Variants in SUGCT observed in about 807,000 individuals in gnomAD.
SUGCT encodes the protein succinyl-CoA:glutarate CoA-transferase.
In SUGCT, 41 loss-of-function variants were observed where a neutral mutation model predicts 55.0. The observed-to-expected ratio is 0.74, with a 90% CI of 0.58 to 0.97. The LOEUF (loss-of-function observed/expected upper bound fraction) is 0.97. SUGCT is among the 50% of genes least tolerant of loss of function. The probability of loss-of-function intolerance (pLI) is 0.00; values close to 1 mark genes in which losing one functional copy is unlikely to be tolerated. For synonymous variants in SUGCT, 187 were observed against 200.4 expected (o/e 0.93, Z 0.56); for missense variants, 568 against 547.8 (o/e 1.04, Z -0.37).
chr7:40,565,945 G>A (rs1305588082), intron 12 of SUGCT, among the ~76,000 whole-genome samples: 5 of 148,872 alleles, frequency 3.4e-5, no homozygotes, highest in East Asian at 4.0e-4. Flanking sequence ...AATTTTCTTC[G>A]TAGTGATCAA....
chr7:40,871,590 T>C, the SUGCT span, among the ~76,000 whole-genome samples: 81,812 of 151,934 alleles, frequency 0.54, 22,857 homozygotes, highest in East Asian at 0.86. Flanking sequence ...TGTTATACAG[T>C]AATACATAAT....
chr7:40,906,663 G>A, the SUGCT span, among the ~76,000 whole-genome samples: 56 of 152,294 alleles, frequency 3.7e-4, 1 homozygote, highest in East Asian at 8.1e-3. Context: ...GAGGATGTGC[G>A]TAGGTTATAT....
chr7:40,508,230 G>A (rs1792716565), intron 12 of SUGCT, among the ~76,000 whole-genome samples: 1 of 152,184 alleles, frequency 6.6e-6, no homozygotes, highest in South Asian at 2.1e-4. Context: ...TGGTCCTTCT[G>A]CAGTGGATCG....
At chr7:40,284,747 T>G (rs1478295897) in intron 8 of SUGCT, among the ~76,000 whole-genome samples, 1 of 152,052 alleles carries the variant, frequency 6.6e-6, no homozygotes, top group Non-Finnish European at 1.5e-5. Context: ...AAATCATCAA[T>G]TTAAAACATT....
At chr7:40,831,171 G>T (rs1792644546) in intron 13 of SUGCT, among the ~76,000 whole-genome samples, 1 of 152,164 alleles carries the variant, frequency 6.6e-6, no homozygotes, top group African/African-American at 2.4e-5. Context: ...CCTAAAAGTT[G>T]CATTTTAGAT....
At chr7:40,937,337 T>G in the SUGCT span, among the ~76,000 whole-genome samples, 2 of 152,056 alleles carry the variant, frequency 1.3e-5, no homozygotes, top group African/African-American at 2.4e-5. Context: ...CCCAGCAAAT[T>G]TTTTTGTATT....
chr7:40,542,042 G>A (rs1468995171), intron 12 of SUGCT, among the ~76,000 whole-genome samples: 1 of 152,148 alleles, frequency 6.6e-6, no homozygotes, highest in Admixed American at 6.6e-5. Flanking sequence ...CAAGTGCTTG[G>A]CAATACAGTG....
At chr7:40,902,957 G>C in the SUGCT span, among the ~76,000 whole-genome samples, 1 of 151,936 alleles carries the variant, frequency 6.6e-6, no homozygotes, top group Non-Finnish European at 1.5e-5. Context: ...TCCAAGCTTT[G>C]AAAGATAAAT....
At chr7:40,643,886 C>T (rs1025086882) in intron 12 of SUGCT, among the ~76,000 whole-genome samples, 5 of 152,162 alleles carry the variant, frequency 3.3e-5, no homozygotes, top group African/African-American at 9.7e-5. Context: ...TTCTATGGCT[C>T]AGCCCCCTGG....
intron 12 of SUGCT, among the ~76,000 whole-genome samples, chr7:40,664,239 A>C (rs1801487608): frequency 6.6e-6 from 1 of 152,244 alleles, no homozygotes; most frequent in Admixed American, 6.5e-5. Flanking sequence ...CCAATGTAAC[A>C]CTGCAAAGCT....
intron 1 of SUGCT, among the ~76,000 whole-genome samples, chr7:40,140,451 A>G (rs1480233645): frequency 6.6e-6 from 1 of 152,064 alleles, no homozygotes; most frequent in Non-Finnish European, 1.5e-5. Context: ...CCCAGGCTGG[A>G]GTGCAGTTGT....
intron 6 of SUGCT, among the ~76,000 whole-genome samples, chr7:40,209,411 C>G (rs542394242): frequency 1.3e-5 from 2 of 152,248 alleles, no homozygotes; most frequent in South Asian, 4.2e-4. Context: ...GGCAGGAGAA[C>G]TGCTTGAACC....
At chr7:40,285,848 T>C (rs191991554) in intron 8 of SUGCT, among the ~76,000 whole-genome samples, 5 of 152,326 alleles carry the variant, frequency 3.3e-5, no homozygotes, top group Non-Finnish European at 5.9e-5. Flanking sequence ...AGCTTAGCAA[T>C]CTAACATTAT....
At chr7:40,513,061 A>G (rs1793023612) in intron 12 of SUGCT, among the ~76,000 whole-genome samples, 1 of 152,176 alleles carries the variant, frequency 6.6e-6, no homozygotes, top group Non-Finnish European at 1.5e-5. Context: ...GTATACATCT[A>G]CAGTTGACAA....
At chr7:40,659,773 G>A (rs1302231882) in intron 12 of SUGCT, among the ~76,000 whole-genome samples, 1 of 152,088 alleles carries the variant, frequency 6.6e-6, no homozygotes, top group East Asian at 1.9e-4. Flanking sequence ...GAGAGCCCTC[G>A]AATTTACTTG....
the SUGCT span, among the ~76,000 whole-genome samples, chr7:41,036,931 T>A: frequency 6.6e-6 from 1 of 152,360 alleles, no homozygotes; most frequent in East Asian, 1.9e-4. Flanking sequence ...AGGCACAAAC[T>A]TTGAGTCTAA....
At chr7:40,452,431 A>G (rs887768273) in intron 10 of SUGCT, among the ~76,000 whole-genome samples, 1 of 152,180 alleles carries the variant, frequency 6.6e-6, no homozygotes, top group Admixed American at 6.5e-5. Flanking sequence ...AATGTCCTTT[A>G]GCCCCATTCC....
chr7:40,271,167 C>A (rs564271641), intron 7 of SUGCT, among the ~76,000 whole-genome samples: 55 of 152,250 alleles, frequency 3.6e-4, no homozygotes, highest in Middle Eastern at 6.8e-3. Flanking sequence ...TTCTTTGCAA[C>A]CTAAATTCAT....
At chr7:40,246,487 T>G (rs1238916286) in intron 7 of SUGCT, among the ~76,000 whole-genome samples, 3 of 152,052 alleles carry the variant, frequency 2.0e-5, no homozygotes, top group African/African-American at 7.2e-5. Flanking sequence ...TGGGCTCAAG[T>G]TAATCTGCTT....
Sources: allele counts gnomAD v4.1 joint callset (sites outside exome capture counted in the v4.1 genomes callset), GRCh38; gene constraint gnomAD v4.1.1; transcripts MANE v1.5; gene names NCBI Gene and HGNC (gene_info 2026-07-23, HGNC 2026-07-21).